WNK3: variants seen among roughly 807,000 people sequenced by gnomAD.
The protein encoded by WNK3 is WNK lysine deficient protein kinase 3.
In WNK3, 18 loss-of-function variants were observed where a neutral mutation model predicts 116.7. The ratio of observed to expected loss-of-function variants is 0.15; its 90% CI spans 0.11 to 0.23. The LOEUF (loss-of-function observed/expected upper bound fraction) is 0.23. Ranked by LOEUF, WNK3 falls within the 10% of genes least tolerant of loss-of-function variation. The pLI is 1.00. For missense variants in WNK3, 993 were observed against 1,323.8 expected, an observed-to-expected ratio of 0.75 and a Z score of 3.88; for synonymous variants, 404 against 469.4, an observed-to-expected ratio of 0.86 and a Z score of 1.80.
chrX:54,275,865 T>C (rs1268018143), intron 10 of WNK3, among the ~76,000 whole-genome samples: 1 of 110,599 alleles, frequency 9.0e-6, no homozygotes, highest in African/African-American at 3.3e-5. Context: ...CATGTTGACA[T>C]TAAGCAATAA....
intron 1 of WNK3, among the ~76,000 whole-genome samples, chrX:54,348,124 ATGTGTGTGTGTG>A (rs781868512): frequency 1.9e-5 from 2 of 102,901 alleles, no homozygotes; most frequent in Admixed American, 1.1e-4. Context: ...CATTGTATAT[ATGTGTGTGTGTG>A]TGTGTGTGTG....
chrX:54,217,209 T>A (rs1037685025), intron 22 of WNK3, among the ~76,000 whole-genome samples: 1 of 107,347 alleles, frequency 9.3e-6, no homozygotes, highest in Non-Finnish European at 1.9e-5. Context: ...TCCCAGCTAC[T>A]TGGGAGGCTG....
intron 1 of WNK3, among the ~76,000 whole-genome samples, chrX:54,339,843 CA>C (rs2069295124): frequency 8.9e-6 from 1 of 111,921 alleles, no homozygotes; most frequent in African/African-American, 3.2e-5. Context: ...ACTAAAACCA[CA>C]AGCATAAAAG....
chrX:54,215,607 C>G (rs2067681248), intron 22 of WNK3, among the ~76,000 whole-genome samples: 1 of 111,850 alleles, frequency 8.9e-6, no homozygotes, highest in African/African-American at 3.2e-5. Flanking sequence ...TGCCCGGCCG[C>G]CACCCCGTCT....
intron 17 of WNK3, among the ~76,000 whole-genome samples, chrX:54,240,535 T>G (rs2068012032): frequency 9.0e-6 from 1 of 111,642 alleles, no homozygotes; most frequent in South Asian, 3.7e-4. Context: ...GATGGCAAAT[T>G]AAATATTTGT....
chrX:54,264,656 GTTCCATT>G (rs1557157298), intron 10 of WNK3, among the ~76,000 whole-genome samples: 1 of 111,091 alleles, frequency 9.0e-6, no homozygotes, highest in African/African-American at 3.3e-5. Flanking sequence ...CTAGGAAGAA[GTTCCATT>G]AACTGTAAGG....
At chrX:54,210,821 C>G (rs1337400772) in intron 22 of WNK3, among the ~76,000 whole-genome samples, 1 of 111,809 alleles carries the variant, frequency 8.9e-6, no homozygotes, top group Non-Finnish European at 1.9e-5. Flanking sequence ...TAAAATTGGA[C>G]AAAATTCAAA....
chrX:54,204,210 C>G (rs1355893121), intron 22 of WNK3, among the ~76,000 whole-genome samples: 1 of 110,839 alleles, frequency 9.0e-6, no homozygotes, highest in Non-Finnish European at 1.9e-5. Context: ...ACCTCTGCCT[C>G]CTGGGTTCAA....
intron 2 of WNK3, among the ~76,000 whole-genome samples, chrX:54,323,743 G>C (rs2069065370): frequency 9.0e-6 from 1 of 111,007 alleles, no homozygotes; most frequent in African/African-American, 3.3e-5. Context: ...CAATTTCTAA[G>C]CCTTCTTATA....
Position 54,213,234 on chromosome X carries a change from C to A in WNK3, c.4871-11041G>T, listed in dbSNP as rs782127911. On this transcript the variant is annotated intron_variant, in intron 22 of 23. Coordinates refer to ENST00000354646, the Ensembl canonical transcript of WNK3. ...ATCCTGGGCTCAAGTAATCCTGCTG[C>A]CTCGGCCTCCCAAATGATTTTAAAG... Among the ~76,000 whole-genome samples, 3 of 108,860 alleles carry A rather than the reference C, an allele frequency of 2.8e-5. No individual in the cohort carries two copies. The South Asian group carries it at 1.2e-3, about 44-fold the overall frequency. The allele number at this position is 108,860 out of a possible 115,157, so 94.5% of individuals were successfully genotyped here.
chrX:54,290,208 G>A (rs868934396), intron 10 of WNK3, among the ~76,000 whole-genome samples: 4 of 109,786 alleles, frequency 3.6e-5, no homozygotes, highest in Admixed American at 9.8e-5. Context: ...CCCAGGAGGC[G>A]GAGGTTGCAG....
intron 22 of WNK3, among the ~76,000 whole-genome samples, chrX:54,221,500 G>C (rs781800511): frequency 1.8e-3 from 199 of 111,663 alleles, no homozygotes; most frequent in African/African-American, 6.0e-3. Flanking sequence ...ACATATATTA[G>C]AGAAATGTTT....
intron 10 of WNK3, among the ~76,000 whole-genome samples, chrX:54,276,193 A>T (rs1045817346): frequency 7.2e-5 from 8 of 110,541 alleles, no homozygotes; most frequent in Non-Finnish European, 1.3e-4. Context: ...TACAAAAATT[A>T]GCTGGGCATG....
intron 1 of WNK3, among the ~76,000 whole-genome samples, chrX:54,350,770 AAAAC>A (rs782464285): frequency 3.0e-4 from 33 of 111,530 alleles, no homozygotes; most frequent in Admixed American, 5.8e-4. Flanking sequence ...TTTAAATAGC[AAAAC>A]AAACAAACAA....
chrX:54,245,980 C>T (rs1394568381), intron 17 of WNK3, among the ~76,000 whole-genome samples: 1 of 112,077 alleles, frequency 8.9e-6, no homozygotes, highest in Admixed American at 9.5e-5. Flanking sequence ...ATTTGCTAGT[C>T]TGATTAGCAA....
At chrX:54,240,397 A>G (rs782647686) in intron 17 of WNK3, among the ~76,000 whole-genome samples, 1 of 111,894 alleles carries the variant, frequency 8.9e-6, no homozygotes, top group South Asian at 3.7e-4. Flanking sequence ...TACTTTCTGA[A>G]GTCTCATTTT....
intron 2 of WNK3, among the ~76,000 whole-genome samples, chrX:54,324,227 T>C (rs1363037639): frequency 1.8e-5 from 2 of 111,969 alleles, no homozygotes; most frequent in African/African-American, 6.5e-5. Flanking sequence ...TTACACTGGG[T>C]CCACCCAGAT....
chrX:54,258,860 A>G (rs1245161426), intron 11 of WNK3, among the ~76,000 whole-genome samples: 1 of 110,611 alleles, frequency 9.0e-6, no homozygotes, highest in Non-Finnish European at 1.9e-5. Flanking sequence ...AATGAACTTG[A>G]AGAAAGAACA....
At chrX:54,247,644 G>A (rs986111708) in intron 17 of WNK3, among the ~76,000 whole-genome samples, 2 of 109,904 alleles carry the variant, frequency 1.8e-5, no homozygotes, top group South Asian at 7.6e-4. Context: ...GATTTTACTT[G>A]TACGTAGTAC....
Sources: allele counts gnomAD v4.1 joint callset (sites outside exome capture counted in the v4.1 genomes callset), GRCh38; gene constraint gnomAD v4.1.1; transcripts MANE v1.5; gene names NCBI Gene and HGNC (gene_info 2026-07-23, HGNC 2026-07-21).